The following DRAM1 variants were observed in gnomAD, a reference collection of about 807,000 sequenced individuals.
DRAM1 encodes DNA damage regulated autophagy modulator 1.
A neutral mutation model predicts 28.5 loss-of-function variants in DRAM1; 25 were observed. That is an observed-to-expected ratio of 0.88 (90% CI 0.64 to 1.23). The LOEUF is 1.23. Among genes scored for constraint, DRAM1 ranks in the 50% most tolerant of loss-of-function variants. DRAM1 has a pLI of 0.00. For synonymous variants in DRAM1, 113 were observed against 114.2 expected (o/e 0.99, Z 0.07); for missense variants, 249 against 299.2 (o/e 0.83, Z 1.24).
intron 1 of DRAM1, among the ~76,000 whole-genome samples, chr12:101,896,984 T>C (rs949488497): frequency 2.6e-5 from 4 of 151,948 alleles, no homozygotes; most frequent in Non-Finnish European, 5.9e-5. Context: ...ATGAGGCTTC[T>C]CCATGTTGGT....
chr12:101,914,155 A>T lies in DRAM1; in HGVS notation c.521-19A>T. On this transcript the variant is annotated intron_variant, in intron 4 of 6. Coordinates refer to ENST00000258534, the MANE Select transcript of DRAM1 (RefSeq NM_018370.3). ...AACTGTTGTGTGCTGTAGTTTCCTT[A>T]ACTGTTTACTTCTTTCAGTGATTGT... 1 of 1,582,836 alleles carries T rather than the reference A, an allele frequency of 6.3e-7. No individual in the cohort carries two copies. The highest frequency in any genetic ancestry group is 8.6e-7 in the Non-Finnish European group (1 of 1,161,296).
rs7313338 is a variant in DRAM1 at position 101,877,663 on chromosome 12, C to T, written c.-127C>T. The T allele has an allele frequency of 4.0e-3, 2,532 of 627,494 alleles. 49 individuals are homozygous for T. In the African/African-American group the frequency reaches 0.045, roughly 11 times the overall value. 38.9% of individuals were successfully genotyped at this position (627,494 alleles called of 1,614,324 possible). A position where few individuals can be genotyped will look rare whatever the true frequency, so the allele number is the denominator to read the frequency against. On this transcript the variant is annotated 5_prime_UTR_variant, in exon 1 of 7. Coordinates refer to ENST00000258534, the MANE Select transcript of DRAM1 (RefSeq NM_018370.3). This position sits in a 1 kb window ranked among gnomAD's most constrained non-coding sequence, Gnocchi z 4.1. ...CCTCCGGGGCTGGGCCTGCCCCGGC[C>T]GTCGCGGAGCCTCCCCTCCCACCGT...
chr12:101,908,836 G>A (rs1235610659), intron 4 of DRAM1, among the ~76,000 whole-genome samples: 1 of 138,628 alleles, frequency 7.2e-6, no homozygotes. Flanking sequence ...GTTCAGCCAA[G>A]CAAAGGATCT....
At chr12:101,894,374 C>T (rs1873265594) in intron 1 of DRAM1, among the ~76,000 whole-genome samples, 1 of 152,138 alleles carries the variant, frequency 6.6e-6, no homozygotes, top group Non-Finnish European at 1.5e-5. Context: ...GTCTCAGCCT[C>T]CCAAAGTGCT....
intron 1 of DRAM1, among the ~76,000 whole-genome samples, chr12:101,883,920 C>T (rs113917889): frequency 4.6e-4 from 66 of 143,868 alleles, no homozygotes; most frequent in African/African-American, 1.6e-3. Context: ...GGTGATAGAG[C>T]GAGACTCTTT....
chr12:101,915,546 C>CT (rs58938266), intron 5 of DRAM1, among the ~76,000 whole-genome samples: 83,037 of 144,758 alleles, frequency 0.57, 23,693 homozygotes, highest in East Asian at 0.89. Flanking sequence ...ACTTTGAAGA[C>CT]TTTTTTTTTT....
In DRAM1 at chr12:101,877,729, G is replaced by A. The variant is rs1028850543; in HGVS notation, c.-61G>A. 6 of 1,311,128 alleles carry A rather than the reference G, an allele frequency of 4.6e-6. No individual in the cohort carries two copies. The highest frequency in any genetic ancestry group is 2.0e-5 in the South Asian group (1 of 49,474). The allele number at this position is 1,311,128 out of a possible 1,614,324, so 81.2% of individuals were successfully genotyped here. ...CCCGGCCGCCGCCTCCAGGCAGCCC[G>A]GAGCAACCCGGCGCCCGGCCCCGCT... On this transcript the variant is annotated 5_prime_UTR_variant, in exon 1 of 7. Transcript: ENST00000258534. The surrounding 1 kb of genome is among the most constrained non-coding windows in gnomAD (Gnocchi z 4.1).
intron 4 of DRAM1, among the ~76,000 whole-genome samples, chr12:101,912,659 G>A (rs144712698): frequency 5.3e-5 from 8 of 152,180 alleles, no homozygotes; most frequent in Admixed American, 3.9e-4. Context: ...CACAATTTGC[G>A]GGGGGTTGGA....
chr12:101,895,961 A>G (rs1292409731), intron 1 of DRAM1, among the ~76,000 whole-genome samples: 7 of 151,640 alleles, frequency 4.6e-5, no homozygotes, highest in Non-Finnish European at 1.5e-5. Flanking sequence ...ATCTTGGCTC[A>G]CTGCAACCTC....
At chr12:101,908,566 A>G (rs1054039147) in intron 4 of DRAM1, among the ~76,000 whole-genome samples, 12 of 152,176 alleles carry the variant, frequency 7.9e-5, no homozygotes, top group African/African-American at 2.9e-4. Context: ...ATGGAAAAGT[A>G]CTAAAAGGAA....
intron 5 of DRAM1, among the ~76,000 whole-genome samples, chr12:101,915,008 C>T (rs1289686880): frequency 4.3e-5 from 6 of 139,432 alleles, no homozygotes; most frequent in Non-Finnish European, 6.1e-5. Flanking sequence ...GAGACAGAGT[C>T]TCGTTCTGCC....
rs188979919 is a variant in DRAM1 at position 101,877,768 on chromosome 12, C to G, written c.-22C>G. 9.5e-6 allele frequency: 14 copies of G among 1,477,040 alleles called. No homozygotes were observed. The highest frequency in any genetic ancestry group is 3.9e-5 in the South Asian group (3 of 76,182). The allele number at this position is 1,477,040 out of a possible 1,614,324, so 91.5% of individuals were successfully genotyped here. On this transcript the variant is annotated 5_prime_UTR_variant, in exon 1 of 7. Coordinates refer to ENST00000258534, the MANE Select transcript of DRAM1 (RefSeq NM_018370.3). This position sits in a 1 kb window ranked among gnomAD's most constrained non-coding sequence, Gnocchi z 4.1. ...CCCGGCCCCGCTGGGCGCAGCACTC[C>G]GTCGGCGGCGGCGGCGGCGCGATGC... is the stretch of plus-strand genomic sequence containing the variant.
chr12:101,898,789 G>A (rs1430026278), intron 2 of DRAM1, among the ~76,000 whole-genome samples: 1 of 152,230 alleles, frequency 6.6e-6, no homozygotes, highest in East Asian at 1.9e-4. Context: ...GTTAGAGAAA[G>A]GGGACAGGTG....
intron 1 of DRAM1, among the ~76,000 whole-genome samples, chr12:101,885,856 A>T (rs1243985498): frequency 3.9e-5 from 6 of 152,066 alleles, no homozygotes; most frequent in Admixed American, 2.0e-4. Context: ...ATCTATATGT[A>T]AGGATATTGA....
At chr12:101,905,067 T>A (rs1274727897) in intron 3 of DRAM1, among the ~76,000 whole-genome samples, 1 of 152,140 alleles carries the variant, frequency 6.6e-6, no homozygotes, top group Non-Finnish European at 1.5e-5. Context: ...CAGCTAATTC[T>A]TATTTTCACT....
At chr12:101,919,708 C>T (rs575036894) in intron 5 of DRAM1, among the ~76,000 whole-genome samples, 55 of 152,316 alleles carry the variant, frequency 3.6e-4, no homozygotes, top group South Asian at 8.3e-4. Context: ...GGAACAACTG[C>T]GAGAGTGCTT....
chr12:101,888,666 G>C (rs1380339977), intron 1 of DRAM1, among the ~76,000 whole-genome samples: 1 of 150,792 alleles, frequency 6.6e-6, no homozygotes, highest in Non-Finnish European at 1.5e-5. Context: ...AAATTCTTTT[G>C]TTCTCAGTGA....
intron 1 of DRAM1, chr12:101,890,342 A>C: frequency 4.0e-6 from 1 of 248,016 alleles, no homozygotes; most frequent in Non-Finnish European, 8.0e-6. Flanking sequence ...GGCCTCCCAA[A>C]GTGCTGGGAT....
At chr12:101,919,813 C>T (rs1216595990) in intron 5 of DRAM1, among the ~76,000 whole-genome samples, 1 of 152,202 alleles carries the variant, frequency 6.6e-6, no homozygotes, top group Non-Finnish European at 1.5e-5. Flanking sequence ...TCCAAATTTG[C>T]TTCCCAGTCT....
Sources: allele counts gnomAD v4.1 joint callset (sites outside exome capture counted in the v4.1 genomes callset), GRCh38; gene constraint gnomAD v4.1.1; non-coding constraint Gnocchi (gnomAD v3.1); transcripts MANE v1.5; gene names NCBI Gene and HGNC (gene_info 2026-07-23, HGNC 2026-07-21).